EPB41L1: variants seen among roughly 807,000 people sequenced by gnomAD.
EPB41L1 encodes erythrocyte membrane protein band 4.1 like 1, also known as band 4.1-like protein 1.
In EPB41L1, 29 loss-of-function variants were observed where a neutral mutation model predicts 97.8. The observed-to-expected ratio is 0.30, with a 90% CI of 0.22 to 0.40. The LOEUF (loss-of-function observed/expected upper bound fraction) is 0.40, where lower values mean the gene tolerates loss of function less well. EPB41L1 is among the 10% of genes least tolerant of loss of function. The pLI is 1.00. For synonymous variants in EPB41L1, 383 were observed against 459.2 expected, an observed-to-expected ratio of 0.83 and a Z score of 2.12; for missense variants, 812 against 1,162.3, an observed-to-expected ratio of 0.70 and a Z score of 4.38.
At chr20:36,202,952 T>C (rs945554781) in intron 14 of EPB41L1, among the ~76,000 whole-genome samples, 2 of 152,118 alleles carry the variant, frequency 1.3e-5, no homozygotes, top group Admixed American at 6.5e-5. Context: ...TGAGCCCAAC[T>C]GGCTCTGTTT....
chr20:36,134,711 G>T (rs574310611), intron 2 of EPB41L1, among the ~76,000 whole-genome samples: 1 of 152,024 alleles, frequency 6.6e-6, no homozygotes, highest in South Asian at 2.1e-4. Flanking sequence ...GCTCCTCAGG[G>T]GTCCAGGTCT....
intron 6 of EPB41L1, among the ~76,000 whole-genome samples, chr20:36,184,241 A>T (rs1272743998): frequency 6.6e-6 from 1 of 152,210 alleles, no homozygotes; most frequent in Non-Finnish European, 1.5e-5. Context: ...TCTCAAAAAA[A>T]GAAAAAAAGA....
chr20:36,212,126 CTT>C lies in EPB41L1; in HGVS notation c.2080-143_2080-142del. Reference sequence around the variant, plus strand: ...CTGTCTATGATATCACACCACAACTCTTTTACCCTGTCCAGAGTACCCTTCCA... The same window carrying C: ...CTGTCTATGATATCACACCACAACTCTTACCCTGTCCAGAGTACCCTTCCA... On this transcript the variant is annotated intron_variant, in intron 15 of 21. Coordinates refer to ENST00000338074, the MANE Select transcript of EPB41L1 (RefSeq NM_012156.2). The surrounding 1 kb of genome is among the most constrained non-coding windows in gnomAD (Gnocchi z 4.8). 2 of 793,420 alleles carry C rather than the reference CTT, an allele frequency of 2.5e-6. No individual in the cohort carries two copies. The highest frequency in any genetic ancestry group is 4.3e-6 in the Non-Finnish European group (2 of 466,556). 49.1% of individuals were successfully genotyped at this position (793,420 alleles called of 1,614,324 possible).
At chr20:36,156,372 C>T (rs2060301386) in intron 1 of EPB41L1, among the ~76,000 whole-genome samples, 1 of 152,230 alleles carries the variant, frequency 6.6e-6, no homozygotes, top group Non-Finnish European at 1.5e-5. Flanking sequence ...CTGTGAGCTT[C>T]TTGAAGAGCT....
intron 14 of EPB41L1, among the ~76,000 whole-genome samples, chr20:36,199,864 T>G (rs1462119799): frequency 6.6e-6 from 1 of 152,080 alleles, no homozygotes; most frequent in Admixed American, 6.5e-5. Context: ...CCCTGGGAAG[T>G]GAGGTCTAGA....
chr20:36,156,511 G>T (rs897928322), intron 1 of EPB41L1, among the ~76,000 whole-genome samples: 1 of 152,228 alleles, frequency 6.6e-6, no homozygotes, highest in Non-Finnish European at 1.5e-5. Context: ...CTGAGCGGGG[G>T]AGTCAGCATT....
At chr20:36,229,304 C>T in intron 21 of EPB41L1, 28 bp from the exon 22 acceptor site, 1 of 1,603,500 alleles carries the variant, frequency 6.2e-7, no homozygotes. Context: ...CCCCACCCCC[C>T]ATTCTACCCC....
chr20:36,158,450 G>A (rs1222020389), intron 1 of EPB41L1, among the ~76,000 whole-genome samples: 3 of 152,190 alleles, frequency 2.0e-5, no homozygotes, highest in Non-Finnish European at 4.4e-5. Flanking sequence ...GATTTCGATG[G>A]TTGAAGGGGG....
At chr20:36,167,401 T>C (rs1011856217) in intron 1 of EPB41L1, among the ~76,000 whole-genome samples, 14 of 152,064 alleles carry the variant, frequency 9.2e-5, no homozygotes, top group Admixed American at 3.9e-4. Context: ...TGGGAGGCCC[T>C]TGGGGGTTTT....
intron 21 of EPB41L1, among the ~76,000 whole-genome samples, chr20:36,225,498 G>GTA: frequency 6.6e-6 from 1 of 152,282 alleles, no homozygotes; most frequent in East Asian, 1.9e-4. Context: ...GTGCAGCCAG[G>GTA]TATAGTAGCA....
intron 1 of EPB41L1, among the ~76,000 whole-genome samples, chr20:36,094,246 A>G (rs1201022133): frequency 6.6e-6 from 1 of 152,222 alleles, no homozygotes; most frequent in Non-Finnish European, 1.5e-5. Flanking sequence ...TTGTTTGTAT[A>G]TTAGTCTGTG....
At chr20:36,100,909 C>T (rs2147496696) in intron 1 of EPB41L1, among the ~76,000 whole-genome samples, 1 of 152,300 alleles carries the variant, frequency 6.6e-6, no homozygotes, top group South Asian at 2.1e-4. Flanking sequence ...CGCCAAGGCT[C>T]TGAGCCCATC....
chr20:36,230,262 G>A lies in EPB41L1; in HGVS notation c.*922G>A, dbSNP rs979700731. ...GGTGCAGCTTGTAGGAGGTTTGTAC[G>A]GATGTGCTTTGAAGTTATGTATATT... On this transcript the variant is annotated 3_prime_UTR_variant, in exon 22 of 22. Transcript: ENST00000338074. 1.3e-5 allele frequency: 2 copies of A among 152,636 alleles called. No homozygotes were observed. Among genetic ancestry groups the A allele is most frequent in the African/African-American group, 4.8e-5 (2 of 41,444 alleles). The allele number at this position is 152,636 out of a possible 1,614,324, so 9.5% of individuals were successfully genotyped here. A position where few individuals can be genotyped will look rare whatever the true frequency, so the allele number is the denominator to read the frequency against.
chr20:36,196,301 C>T (rs539282356), intron 13 of EPB41L1, among the ~76,000 whole-genome samples: 92 of 152,332 alleles, frequency 6.0e-4, no homozygotes, highest in African/African-American at 2.1e-3. Context: ...ATGCCCTTAA[C>T]CTTTAGGGAT....
intron 1 of EPB41L1, among the ~76,000 whole-genome samples, chr20:36,162,689 G>A (rs2060581512): frequency 6.6e-6 from 1 of 152,254 alleles, no homozygotes; most frequent in Non-Finnish European, 1.5e-5. Context: ...TTACTCTGCA[G>A]TTCTGTGCTG....
At chr20:36,225,948 C>T (rs1180832254) in intron 21 of EPB41L1, among the ~76,000 whole-genome samples, 1 of 152,188 alleles carries the variant, frequency 6.6e-6, no homozygotes, top group African/African-American at 2.4e-5. Flanking sequence ...CATTGCCCCA[C>T]GCACCACCAT....
chr20:36,110,043 G>A (rs1310398568), intron 1 of EPB41L1, among the ~76,000 whole-genome samples: 1 of 151,504 alleles, frequency 6.6e-6, no homozygotes, highest in African/African-American at 2.4e-5. Context: ...CTGGGTTCAA[G>A]CGATTCTCCT....
chr20:36,192,536 A>G (rs956070536), intron 11 of EPB41L1, among the ~76,000 whole-genome samples: 13 of 151,434 alleles, frequency 8.6e-5, no homozygotes. Flanking sequence ...CGTCTCAAAA[A>G]AAAAAAAAAA....
At chr20:36,102,523 T>G (rs188266317) in intron 1 of EPB41L1, among the ~76,000 whole-genome samples, 1 of 152,292 alleles carries the variant, frequency 6.6e-6, no homozygotes, top group Admixed American at 6.5e-5. Flanking sequence ...TGTCTGGGCC[T>G]CAGTTTTCCT....
Sources: gnomAD v4.1 joint callset for allele counts (sites outside exome capture counted in the v4.1 genomes callset) on GRCh38, gnomAD v4.1.1 for gene constraint, Gnocchi (gnomAD v3.1) non-coding constraint, MANE v1.5 for transcripts, NCBI Gene and HGNC (gene_info 2026-07-23, HGNC 2026-07-21) for gene names.